Variants in CROT observed in about 807,000 individuals in gnomAD.
CROT encodes peroxisomal carnitine O-octanoyltransferase.
A neutral mutation model predicts 89.2 loss-of-function variants in CROT; 84 were observed. That is an observed-to-expected ratio of 0.94 (90% CI 0.79 to 1.13). CROT has a LOEUF of 1.13. CROT is among the 50% of genes most tolerant of loss of function. CROT has a pLI of 0.00. For synonymous variants in CROT, 212 were observed against 239.5 expected, an observed-to-expected ratio of 0.89 and a Z score of 1.06; for missense variants, 711 against 727.8, an observed-to-expected ratio of 0.98 and a Z score of 0.27.
In CROT at chr7:87,375,898, T is replaced by C. The variant is rs1353955685; in HGVS notation, c.821T>C (p.Leu274Pro). Reference sequence around the variant, plus strand: ...TTAGAAAAAATTCAGAGTAGTTTACTGGTATATTCCATGGAGGATAGCAGT... The same window carrying C: ...TTAGAAAAAATTCAGAGTAGTTTACCGGTATATTCCATGGAGGATAGCAGT... ...ALLEKIQSSL[L>P]VYSMEDSSPH... The change falls in exon 9 of 18, where the codon CTG (leucine) becomes CCG (proline). Residue 274 changes from leucine (L) to proline (P), a missense_variant. Coordinates refer to ENST00000331536, the MANE Select transcript of CROT (RefSeq NM_021151.4). 2 of 1,613,338 alleles carry C rather than the reference T, an allele frequency of 1.2e-6. No individual in the cohort carries two copies. Among genetic ancestry groups the C allele is most frequent in the Admixed American group, 3.3e-5 (2 of 59,958 alleles).
In CROT at chr7:87,392,621, T is replaced by A. The variant is rs1346752283; in HGVS notation, c.1481T>A (p.Met494Lys). 6.2e-6 allele frequency: 10 copies of A among 1,613,468 alleles called. No homozygotes were observed. The highest frequency in any genetic ancestry group is 1.3e-5 in the African/African-American group (1 of 75,032). ...GCTTTTGCAAAGCATAATAAAATGA[T>A]GAAAGATTGTTCAGCTGGAAAAGGT... Reference protein sequence around the residue: ...LQAFAKHNKMMKDCSAGKGFD... With the variant: ...LQAFAKHNKMKKDCSAGKGFD... The change falls in exon 15 of 18, where the codon ATG becomes AAG. Residue 494 changes from methionine (M) to lysine (K), a missense_variant. Transcript: ENST00000331536.
intron 17 of CROT, chr7:87,398,301 T>TC: frequency 1.5e-6 from 1 of 667,486 alleles, no homozygotes; most frequent in Non-Finnish European, 2.7e-6. Context: ...GCTAATTTGT[T>TC]CCCCTTTGTC....
intron 6 of CROT, among the ~76,000 whole-genome samples, chr7:87,367,672 C>A (rs1030325316): frequency 6.6e-6 from 1 of 152,200 alleles, no homozygotes; most frequent in African/African-American, 2.4e-5. Flanking sequence ...TGTGCTGAGT[C>A]CCGCTTCCTC....
At chr7:87,372,021 CA>C (rs1268077754) in intron 7 of CROT, among the ~76,000 whole-genome samples, 2 of 126,624 alleles carry the variant, frequency 1.6e-5, no homozygotes, top group Non-Finnish European at 3.5e-5. Flanking sequence ...AAAAAAAAAA[CA>C]AAAAAAAGCT....
intron 10 of CROT, among the ~76,000 whole-genome samples, chr7:87,381,236 A>G (rs1029813129): frequency 1.3e-5 from 2 of 152,190 alleles, no homozygotes; most frequent in African/African-American, 4.8e-5. Context: ...TGTAACTTTT[A>G]TCTAAGGAAC....
chr7:87,376,320 A>G (rs1806810205), intron 9 of CROT, among the ~76,000 whole-genome samples: 1 of 152,104 alleles, frequency 6.6e-6, no homozygotes, highest in Admixed American at 6.6e-5. Context: ...AACCTGCACT[A>G]GTGTATCTTG....
At chr7:87,393,279 T>TCA (rs1807426712) in intron 17 of CROT, among the ~76,000 whole-genome samples, 1 of 152,180 alleles carries the variant, frequency 6.6e-6, no homozygotes, top group Admixed American at 6.5e-5. Context: ...TTAGGTGTCT[T>TCA]TATGCAGAAC....
At chr7:87,361,655 G>A in intron 5 of CROT, 73 bp from the exon 6 acceptor site, 1 of 1,528,634 alleles carries the variant, frequency 6.5e-7, no homozygotes, top group Non-Finnish European at 8.8e-7. Flanking sequence ...ACTTATTTGG[G>A]GATGAACACT....
At chr7:87,352,894 A>C (rs1371490316) in intron 3 of CROT, among the ~76,000 whole-genome samples, 1 of 152,260 alleles carries the variant, frequency 6.6e-6, no homozygotes, top group Non-Finnish European at 1.5e-5. Context: ...TTTTGAATAC[A>C]GGCCTGTCCC....
intron 17 of CROT, among the ~76,000 whole-genome samples, chr7:87,395,257 C>T (rs1807489591): frequency 1.3e-5 from 1 of 77,204 alleles, no homozygotes; most frequent in South Asian, 4.5e-4. Flanking sequence ...CTAAGCCAGT[C>T]TAGTCTTTTC....
At chr7:87,385,886 A>G (rs1262264505) in intron 13 of CROT, among the ~76,000 whole-genome samples, 1 of 152,130 alleles carries the variant, frequency 6.6e-6, no homozygotes, top group Non-Finnish European at 1.5e-5. Flanking sequence ...TTTTTTTATC[A>G]TGAAGGTATG....
chr7:87,392,765 G>C lies in CROT; in HGVS notation c.1540G>C (p.Ala514Pro). 1 of 1,613,670 alleles carries C rather than the reference G, an allele frequency of 6.2e-7. No homozygotes were observed. The highest frequency in any genetic ancestry group is 8.5e-7 in the Non-Finnish European group (1 of 1,179,770). ...DRHLLGLLLI[A>P]KEEGLPVPEL... is the part of the protein sequence containing the mutation. ...TCACCTTTTAGGTCTCTTACTCATA[G>C]CAAAAGAGGAAGGTCTTCCTGTTCC... The change falls in exon 16 of 18, where the codon GCA becomes CCA. Residue 514 changes from alanine to proline, a missense_variant. Transcript: ENST00000331536.
intron 13 of CROT, among the ~76,000 whole-genome samples, chr7:87,383,259 C>T (rs1807081170): frequency 6.6e-6 from 1 of 152,044 alleles, no homozygotes; most frequent in Non-Finnish European, 1.5e-5. Flanking sequence ...CTTCAATCTC[C>T]TCTCCCCCCT....
chr7:87,359,655 G>A, intron 4 of CROT: 2 of 1,070,444 alleles, frequency 1.9e-6, no homozygotes, highest in South Asian at 3.2e-5. Flanking sequence ...ATTTTGTCCA[G>A]GTGACTAGCT....
Position 87,361,543 on chromosome 7 carries a change from A to G in CROT, c.394A>G (p.Asn132Asp), listed in dbSNP as rs755153166. ...AAGAGGAAGTATAACTCTTTGGCAT[A>G]ACTTGAACTACTGGCAGCTATTAAG... Reference protein sequence around the residue: ...LERGSITLWHNLNYWQLLRKE... With the variant: ...LERGSITLWHDLNYWQLLRKE... Residue 132 changes from asparagine to aspartate, a missense_variant, in exon 5 of 18, where the codon AAC becomes GAC. Physicochemically the swap from Asn to Asp is conservative, Grantham distance 23. Coordinates refer to ENST00000331536, the MANE Select transcript of CROT (RefSeq NM_021151.4). The G allele has an allele frequency of 6.3e-7, 1 of 1,598,886 alleles. No homozygotes were observed.
chr7:87,382,583 C>A, intron 13 of CROT, 40 bp downstream of exon 13: 1 of 1,568,956 alleles, frequency 6.4e-7, no homozygotes, highest in South Asian at 1.2e-5. Context: ...GTCTTGAAGT[C>A]CAAGGGTATA....
chr7:87,354,288 GAC>G, intron 3 of CROT: 1 of 490,490 alleles, frequency 2.0e-6, no homozygotes, highest in Non-Finnish European at 4.1e-6. Context: ...TGTTTCTTAA[GAC>G]AGTTACCAAA....
chr7:87,398,665 A>C lies in CROT; in HGVS notation c.*21A>C, dbSNP rs770838192. ...TTTAGAGATGAATCATCTATTAAGCACTTACCAAAACATATCATTAAACTG... is the reference window on the plus strand; with the variant it reads ...TTTAGAGATGAATCATCTATTAAGCCCTTACCAAAACATATCATTAAACTG... On this transcript the variant is annotated 3_prime_UTR_variant, in exon 18 of 18. Coordinates refer to ENST00000331536, the MANE Select transcript of CROT (RefSeq NM_021151.4). 1.9e-6 allele frequency: 3 copies of C among 1,607,838 alleles called. No individual in the cohort carries two copies. Among genetic ancestry groups the C allele is most frequent in the Non-Finnish European group, 8.5e-7 (1 of 1,177,664 alleles).
At chr7:87,347,713 A>G (rs985634754) in intron 2 of CROT, among the ~76,000 whole-genome samples, 2 of 151,786 alleles carry the variant, frequency 1.3e-5, no homozygotes, top group Admixed American at 6.6e-5. Context: ...TTTTTTCCAT[A>G]CATCTAGAGG....
Sources: gnomAD v4.1 joint callset for allele counts (sites outside exome capture counted in the v4.1 genomes callset) on GRCh38, gnomAD v4.1.1 for gene constraint, MANE v1.5 for transcripts, NCBI Gene and HGNC (gene_info 2026-07-23, HGNC 2026-07-21) for gene names.